The following EXT1 variants were observed in gnomAD, a reference collection of about 807,000 sequenced individuals.
EXT1 encodes the protein exostosin glycosyltransferase 1, also known as exostosin-1.
In EXT1, 20 loss-of-function variants were observed where a neutral mutation model predicts 82.5. The ratio of observed to expected loss-of-function variants is 0.24; its 90% CI spans 0.17 to 0.35. The LOEUF (loss-of-function observed/expected upper bound fraction) is 0.35, where lower values mean the gene tolerates loss of function less well. Ranked by LOEUF, EXT1 falls within the 10% of genes least tolerant of loss-of-function variation. The probability of loss-of-function intolerance (pLI) is 1.00; values close to 1 mark genes in which losing one functional copy is unlikely to be tolerated. For synonymous variants in EXT1, 348 were observed against 350.8 expected (o/e 0.99, Z 0.09); for missense variants, 757 against 936.5 (o/e 0.81, Z 2.50).
intron 1 of EXT1, among the ~76,000 whole-genome samples, chr8:118,016,091 G>C (rs1371271866): frequency 6.6e-6 from 1 of 152,174 alleles, no homozygotes; most frequent in African/African-American, 2.4e-5. Flanking sequence ...ATAGATTTTT[G>C]TTGTTTAAAG....
intron 1 of EXT1, among the ~76,000 whole-genome samples, chr8:118,009,658 C>CT (rs1057430764): frequency 3.3e-5 from 5 of 152,226 alleles, no homozygotes; most frequent in African/African-American, 1.2e-4. Flanking sequence ...GCTCTGCCTC[C>CT]TGTCAGATCA....
chr8:117,870,955 C>T (rs1332584234), intron 1 of EXT1, among the ~76,000 whole-genome samples: 5 of 152,100 alleles, frequency 3.3e-5, no homozygotes, highest in East Asian at 3.9e-4. Flanking sequence ...TTCTATTCTG[C>T]AGAAGGGTAA....
chr8:118,013,308 G>C (rs1326322888), intron 1 of EXT1, among the ~76,000 whole-genome samples: 1 of 152,030 alleles, frequency 6.6e-6, no homozygotes, highest in Non-Finnish European at 1.5e-5. Context: ...TTCTAGGTTT[G>C]AGCAATTCTC....
intron 1 of EXT1, among the ~76,000 whole-genome samples, chr8:118,109,446 CAT>C (rs1563659021): frequency 1.3e-3 from 36 of 27,658 alleles, no homozygotes; most frequent in Non-Finnish European, 3.4e-3. Flanking sequence ...TGAATGAATG[CAT>C]GCATGCATGC....
At chr8:118,069,374 G>T (rs940072825) in intron 1 of EXT1, among the ~76,000 whole-genome samples, 1 of 152,164 alleles carries the variant, frequency 6.6e-6, no homozygotes, top group Non-Finnish European at 1.5e-5. Flanking sequence ...CTTCAGCCCA[G>T]TACCCCGTCT....
At chr8:118,078,390 G>C (rs1037745905) in intron 1 of EXT1, among the ~76,000 whole-genome samples, 3 of 151,410 alleles carry the variant, frequency 2.0e-5, no homozygotes, top group Non-Finnish European at 2.9e-5. Flanking sequence ...GTAGAAACGG[G>C]GTTTCACCAT....
At chr8:117,919,008 C>T (rs955501059) in intron 1 of EXT1, among the ~76,000 whole-genome samples, 3 of 152,036 alleles carry the variant, frequency 2.0e-5, no homozygotes, top group Non-Finnish European at 2.9e-5. Context: ...CAGCTTACCT[C>T]TCCAAAAATC....
At chr8:117,810,699 C>T (rs1823304681) in intron 8 of EXT1, among the ~76,000 whole-genome samples, 1 of 152,158 alleles carries the variant, frequency 6.6e-6, no homozygotes, top group South Asian at 2.1e-4. Context: ...ATTTGTTGCA[C>T]CATGGCGGTG....
At chr8:117,842,578 A>G (rs1267969578) in intron 1 of EXT1, among the ~76,000 whole-genome samples, 2 of 152,258 alleles carry the variant, frequency 1.3e-5, no homozygotes, top group Non-Finnish European at 2.9e-5. Context: ...ATTGCAAGTT[A>G]TTATGGTAAA....
At chr8:117,901,296 A>T (rs978400490) in intron 1 of EXT1, among the ~76,000 whole-genome samples, 1 of 152,232 alleles carries the variant, frequency 6.6e-6, no homozygotes, top group Non-Finnish European at 1.5e-5. Context: ...TCACATTACT[A>T]TGGGCAGTTG....
At chr8:117,872,931 G>A (rs531619220) in intron 1 of EXT1, among the ~76,000 whole-genome samples, 5 of 152,244 alleles carry the variant, frequency 3.3e-5, no homozygotes, top group South Asian at 2.1e-4. Flanking sequence ...AAGGGTTAGG[G>A]AGAAGTTAAA....
chr8:117,914,177 G>T (rs923280950), intron 1 of EXT1, among the ~76,000 whole-genome samples: 1 of 152,188 alleles, frequency 6.6e-6, no homozygotes, highest in Non-Finnish European at 1.5e-5. Context: ...GGGACCGGCT[G>T]GAGCCTCGGC....
chr8:117,919,108 T>C (rs1260598360), intron 1 of EXT1, among the ~76,000 whole-genome samples: 1 of 152,186 alleles, frequency 6.6e-6, no homozygotes, highest in African/African-American at 2.4e-5. Flanking sequence ...AGAATTCAAC[T>C]TTACAGAAAA....
Position 117,861,897 on chromosome 8 carries a change from T to C in EXT1, c.963-24696A>G, listed in dbSNP as rs1010452816. Among the ~76,000 whole-genome samples the C allele has an allele frequency of 3.4e-5, 5 of 145,178 alleles. 2 individuals are homozygous for C. The highest frequency in any genetic ancestry group is 7.7e-5 in the Non-Finnish European group (5 of 64,720). On this transcript the variant is annotated intron_variant, in intron 1 of 10. Coordinates refer to ENST00000378204, the MANE Select transcript of EXT1 (RefSeq NM_000127.3). ...ATCTTGCAGAGAGGTAATCCCTAAA[T>C]GATGCAAATCTGGTGAACATAATGC...
chr8:117,971,295 G>A (rs1382912799), intron 1 of EXT1, among the ~76,000 whole-genome samples: 1 of 152,096 alleles, frequency 6.6e-6, no homozygotes, highest in African/African-American at 2.4e-5. Context: ...CACCTCCCCT[G>A]CCCTCAAAGC....
At chr8:117,865,897 T>G (rs1812767483) in intron 1 of EXT1, among the ~76,000 whole-genome samples, 1 of 152,192 alleles carries the variant, frequency 6.6e-6, no homozygotes, top group South Asian at 2.1e-4. Context: ...TATCATTTCA[T>G]GGAGGCTTGT....
intron 1 of EXT1, among the ~76,000 whole-genome samples, chr8:117,915,462 A>G (rs1407769970): frequency 1.3e-5 from 2 of 152,072 alleles, no homozygotes; most frequent in Non-Finnish European, 2.9e-5. Flanking sequence ...CTTTTAATCA[A>G]TCTCCTACTG....
intron 1 of EXT1, among the ~76,000 whole-genome samples, chr8:117,844,847 G>A (rs914678806): frequency 6.6e-6 from 1 of 152,060 alleles, no homozygotes; most frequent in Non-Finnish European, 1.5e-5. Flanking sequence ...GAAGGCACTC[G>A]CTATTTGGAG....
intron 1 of EXT1, among the ~76,000 whole-genome samples, chr8:117,923,958 G>A (rs77038416): frequency 1.3e-3 from 202 of 152,290 alleles, no homozygotes; most frequent in Non-Finnish European, 2.4e-3. Flanking sequence ...ATTCACCATC[G>A]TTGATATACT....
Sources: gnomAD v4.1 joint callset for allele counts (sites outside exome capture counted in the v4.1 genomes callset) on GRCh38, gnomAD v4.1.1 for gene constraint, MANE v1.5 for transcripts, NCBI Gene and HGNC (gene_info 2026-07-23, HGNC 2026-07-21) for gene names.